Variants in CYSTM1 observed in about 807,000 individuals in gnomAD.
CYSTM1 encodes cysteine-rich transmembrane module-containing protein 1.
Under a neutral mutation model 13.1 loss-of-function variants are expected in CYSTM1, and 4 were observed. That is an observed-to-expected ratio of 0.31 (90% confidence interval 0.15 to 0.70). The LOEUF is 0.70. CYSTM1 is among the 30% of genes least tolerant of loss of function. CYSTM1 has a pLI of 0.72. For missense variants in CYSTM1, 96 were observed against 121.6 expected (o/e 0.79, Z 0.99); for synonymous variants, 36 against 42.7 (o/e 0.84, Z 0.62).
At chr5:140,216,885 A>G (rs973706754) in intron 2 of CYSTM1, among the ~76,000 whole-genome samples, 12 of 142,152 alleles carry the variant, frequency 8.4e-5, no homozygotes, top group African/African-American at 2.9e-4. Context: ...CTCTCCCTCT[A>G]TGACACACAC....
intron 2 of CYSTM1, among the ~76,000 whole-genome samples, chr5:140,204,201 T>A (rs1388933279): frequency 6.6e-6 from 1 of 151,818 alleles, no homozygotes; most frequent in Non-Finnish European, 1.5e-5. Flanking sequence ...ACACCACACA[T>A]CTCTACAAAT....
intron 2 of CYSTM1, among the ~76,000 whole-genome samples, chr5:140,237,423 G>A (rs980056965): frequency 6.6e-6 from 1 of 152,212 alleles, no homozygotes; most frequent in East Asian, 1.9e-4. Context: ...AGGCAGGAGG[G>A]TGTGGTGACA....
chr5:140,193,738 T>C (rs1172017289), intron 1 of CYSTM1, among the ~76,000 whole-genome samples: 2 of 152,176 alleles, frequency 1.3e-5, no homozygotes, highest in African/African-American at 4.8e-5. Flanking sequence ...AAGCAAACCA[T>C]GGAGGACAGG....
intron 2 of CYSTM1, among the ~76,000 whole-genome samples, chr5:140,199,312 G>A (rs1003785521): frequency 2.0e-5 from 3 of 152,130 alleles, no homozygotes; most frequent in African/African-American, 7.2e-5. Context: ...AATCCTTTGG[G>A]TATATACCCA....
At chr5:140,240,564 A>C (rs1253419434) in intron 2 of CYSTM1, among the ~76,000 whole-genome samples, 1 of 151,516 alleles carries the variant, frequency 6.6e-6, no homozygotes, top group African/African-American at 2.4e-5. Flanking sequence ...AGAGTCCCCC[A>C]TTGGGAAGTG....
At chr5:140,198,358 T>C (rs116942331) in intron 2 of CYSTM1, among the ~76,000 whole-genome samples, 13 of 152,346 alleles carry the variant, frequency 8.5e-5, no homozygotes, top group East Asian at 3.9e-4. Flanking sequence ...GTGTGATCTT[T>C]CGTGGGGTCA....
chr5:140,205,190 G>C (rs892086361), intron 2 of CYSTM1, among the ~76,000 whole-genome samples: 2 of 152,142 alleles, frequency 1.3e-5, no homozygotes, highest in Non-Finnish European at 2.9e-5. Context: ...GGCCCACCGG[G>C]CCATTGGCCA....
chr5:140,221,473 T>A (rs901672592), intron 2 of CYSTM1, among the ~76,000 whole-genome samples: 2 of 152,258 alleles, frequency 1.3e-5, no homozygotes, highest in African/African-American at 4.8e-5. Context: ...CATATAGTAT[T>A]TGTCCTTCTG....
chr5:140,186,036 C>T (rs1331486494), intron 1 of CYSTM1, among the ~76,000 whole-genome samples: 2 of 152,168 alleles, frequency 1.3e-5, no homozygotes, highest in African/African-American at 4.8e-5. Flanking sequence ...ATTTGGAAAA[C>T]TTCCAGCATA....
chr5:140,215,951 G>A (rs183653469), intron 2 of CYSTM1, among the ~76,000 whole-genome samples: 2 of 152,110 alleles, frequency 1.3e-5, no homozygotes, highest in African/African-American at 4.8e-5. Flanking sequence ...GACTAGCCTG[G>A]GCAATGTAGG....
chr5:140,202,868 C>CTTATTGTCCTTGAAGATTTGATT (rs1368805336), intron 2 of CYSTM1: 1 of 152,140 alleles, frequency 6.6e-6, no homozygotes, highest in African/African-American at 2.4e-5. Flanking sequence ...TTTGTTTGAT[C>CTTATTGTCCTTGAAGATTTGATT]TTATTGTCCT....
At chr5:140,216,992 T>C (rs866026649) in intron 2 of CYSTM1, among the ~76,000 whole-genome samples, 15 of 152,292 alleles carry the variant, frequency 9.8e-5, no homozygotes, top group African/African-American at 3.1e-4. Flanking sequence ...GGAACACACT[T>C]GCTTAAAGAC....
At chr5:140,185,195 G>T (rs138274271) in intron 1 of CYSTM1, among the ~76,000 whole-genome samples, 38 of 152,224 alleles carry the variant, frequency 2.5e-4, no homozygotes, top group African/African-American at 8.2e-4. Context: ...CATCACTCTG[G>T]GCCAGGGCCT....
At chr5:140,186,477 C>T (rs1387624105) in intron 1 of CYSTM1, among the ~76,000 whole-genome samples, 2 of 152,148 alleles carry the variant, frequency 1.3e-5, no homozygotes, top group African/African-American at 2.4e-5. Context: ...TGGAGTAATA[C>T]GAATTTCTGT....
At position 140,239,622 on chromosome 5, in the gene CYSTM1, C is replaced by T. The variant is rs1764723507; in HGVS notation, c.188-3683C>T. The stretch of plus-strand genomic sequence containing the variant: ...CTGCGCACCTGAGACCCAGGGCTTC[C>T]TGGGCCTTTCTGACCTAGCCTGGGC... On this transcript the variant is annotated intron_variant, in intron 2 of 2. Transcript: ENST00000261811. The surrounding 1 kb of genome is among the most constrained non-coding windows in gnomAD (Gnocchi z 5.4). 6.6e-6 allele frequency among the ~76,000 whole-genome samples: 1 copy of T among 152,216 alleles called. No homozygotes were observed. Among genetic ancestry groups the T allele is most frequent in the Non-Finnish European group, 1.5e-5 (1 of 68,032 alleles).
At chr5:140,193,844 G>A (rs937297654) in intron 1 of CYSTM1, among the ~76,000 whole-genome samples, 1 of 152,200 alleles carries the variant, frequency 6.6e-6, no homozygotes, top group Non-Finnish European at 1.5e-5. Context: ...TATAAACAGC[G>A]CTGTCCAACT....
chr5:140,221,573 A>G (rs1444876555), intron 2 of CYSTM1, among the ~76,000 whole-genome samples: 1 of 152,212 alleles, frequency 6.6e-6, no homozygotes, highest in African/African-American at 2.4e-5. Context: ...AGACTGAATA[A>G]TATTCATTGC....
At chr5:140,228,597 T>C in intron 2 of CYSTM1, 1 of 395,418 alleles carries the variant, frequency 2.5e-6, no homozygotes. Context: ...GCCCCTGCCC[T>C]GCCCTTGTGG....
chr5:140,183,823 T>C (rs939899229), intron 1 of CYSTM1, among the ~76,000 whole-genome samples: 2 of 152,190 alleles, frequency 1.3e-5, no homozygotes, highest in Non-Finnish European at 2.9e-5. Context: ...GAAGGAGCCC[T>C]TGGGTGAGGT....
Sources: gnomAD v4.1 joint callset for allele counts (sites outside exome capture counted in the v4.1 genomes callset) on GRCh38, gnomAD v4.1.1 for gene constraint, Gnocchi (gnomAD v3.1) non-coding constraint, MANE v1.5 for transcripts, NCBI Gene and HGNC (gene_info 2026-07-23, HGNC 2026-07-21) for gene names.